CSNK1G1: variants seen among roughly 807,000 people sequenced by gnomAD.
The protein encoded by CSNK1G1 is casein kinase I isoform gamma-1.
A neutral mutation model predicts 59.6 loss-of-function variants in CSNK1G1; 22 were observed. The ratio of observed to expected loss-of-function variants is 0.37; its 90% confidence interval spans 0.26 to 0.53. CSNK1G1 has a LOEUF of 0.53. Among genes scored for constraint, CSNK1G1 ranks in the 20% least tolerant of loss-of-function variants. The pLI, the probability that CSNK1G1 is intolerant of heterozygous loss-of-function variation, is 0.89. For missense variants in CSNK1G1, 384 were observed against 519.5 expected (o/e 0.74, Z 2.54); for synonymous variants, 179 against 177.1 (o/e 1.01, Z -0.08).
chr15:64,261,420 G>T (rs1892682156), intron 2 of CSNK1G1, among the ~76,000 whole-genome samples: 1 of 152,124 alleles, frequency 6.6e-6, no homozygotes, highest in Non-Finnish European at 1.5e-5. Context: ...GGCCAACATG[G>T]TGAAACTCTG....
Position 64,207,642 on chromosome 15 carries a change from GAA to G in CSNK1G1, c.680-50_680-49del, listed in dbSNP as rs1318755690. On this transcript the variant is annotated intron_variant, in intron 6 of 11. Coordinates refer to ENST00000303052, the MANE Select transcript of CSNK1G1 (RefSeq NM_022048.5). Reference sequence around the variant, plus strand: ...CATTATGTTTGCAGTTATTAAAGCAGAAAGAGGTTCAAAACCAAGTAATCCCT... The same window carrying G: ...CATTATGTTTGCAGTTATTAAAGCAGAGAGGTTCAAAACCAAGTAATCCCT... The G allele has an allele frequency of 2.7e-6, 4 of 1,472,914 alleles. No homozygotes were observed. The Admixed American group carries it at 6.7e-5, about 25-fold the overall frequency. 91.2% of individuals were successfully genotyped at this position (1,472,914 alleles called of 1,614,324 possible).
At chr15:64,191,582 T>C (rs902716053) in intron 10 of CSNK1G1, among the ~76,000 whole-genome samples, 2 of 152,222 alleles carry the variant, frequency 1.3e-5, no homozygotes, top group Non-Finnish European at 2.9e-5. Context: ...TGTTGAAAGA[T>C]TTAAGATTTT....
At chr15:64,277,829 A>AT (rs1258142807) in intron 2 of CSNK1G1, among the ~76,000 whole-genome samples, 4,671 of 134,666 alleles carry the variant, frequency 0.035, 172 homozygotes, top group South Asian at 0.062. Context: ...TATATTTAAT[A>AT]ATAATATTGA....
intron 4 of CSNK1G1, among the ~76,000 whole-genome samples, chr15:64,234,914 C>G (rs2140296697): frequency 6.6e-6 from 1 of 152,250 alleles, no homozygotes; most frequent in Middle Eastern, 3.4e-3. Flanking sequence ...GGGCTCTACT[C>G]AATCTCTGCT....
At chr15:64,264,736 G>A (rs1892890387) in intron 2 of CSNK1G1, among the ~76,000 whole-genome samples, 2 of 152,138 alleles carry the variant, frequency 1.3e-5, no homozygotes, top group Non-Finnish European at 1.5e-5. Flanking sequence ...ATCAATACAC[G>A]TGACACGTCA....
chr15:64,320,758 T>C (rs1896521519), intron 1 of CSNK1G1, among the ~76,000 whole-genome samples: 2 of 151,650 alleles, frequency 1.3e-5, no homozygotes, highest in African/African-American at 4.8e-5. Flanking sequence ...TTTTCAGAAG[T>C]TGCTTAACAC....
intron 1 of CSNK1G1, among the ~76,000 whole-genome samples, chr15:64,352,464 T>TTTTTTTTTTTTTTTTTTTTTTTTTTTA: frequency 7.0e-6 from 1 of 143,038 alleles, no homozygotes; most frequent in Non-Finnish European, 1.5e-5. Flanking sequence ...TTTTTTTTTT[T>TTTTTTTTTTTTTTTTTTTTTTTTTTTA]TTGAGATGGA....
intron 1 of CSNK1G1, among the ~76,000 whole-genome samples, chr15:64,312,803 T>C (rs1296519808): frequency 6.6e-6 from 1 of 152,136 alleles, no homozygotes; most frequent in East Asian, 1.9e-4. Context: ...GAAACTATCA[T>C]CAGAGTGAAC....
At chr15:64,208,278 G>A (rs768649617) in intron 6 of CSNK1G1, among the ~76,000 whole-genome samples, 8 of 152,132 alleles carry the variant, frequency 5.3e-5, no homozygotes, top group Non-Finnish European at 1.0e-4. Context: ...TGAGAGGATC[G>A]CTTCGGCCCA....
chr15:64,302,904 ACT>A (rs1212503544), intron 1 of CSNK1G1, among the ~76,000 whole-genome samples: 4 of 152,158 alleles, frequency 2.6e-5, no homozygotes, highest in Non-Finnish European at 4.4e-5. Flanking sequence ...ATTTTTGCTC[ACT>A]GTTTTTTCCA....
intron 4 of CSNK1G1, among the ~76,000 whole-genome samples, chr15:64,236,763 T>C (rs928526735): frequency 1.3e-5 from 2 of 152,208 alleles, no homozygotes; most frequent in African/African-American, 4.8e-5. Context: ...AGAACTACTA[T>C]TGGATCTAGC....
chr15:64,246,639 A>AAG (rs1566917962), intron 4 of CSNK1G1, among the ~76,000 whole-genome samples: 2 of 88,952 alleles, frequency 2.2e-5, no homozygotes, highest in Non-Finnish European at 4.4e-5. Context: ...AAAAAAAAAA[A>AAG]GGGGGGGGGG....
intron 7 of CSNK1G1, among the ~76,000 whole-genome samples, chr15:64,207,183 A>G (rs2082193581): frequency 6.6e-6 from 1 of 152,232 alleles, no homozygotes; most frequent in South Asian, 2.1e-4. Context: ...AGCCCAGGAG[A>G]GCATTTATAA....
At chr15:64,225,232 C>T (rs2082443436) in intron 4 of CSNK1G1, among the ~76,000 whole-genome samples, 3 of 152,034 alleles carry the variant, frequency 2.0e-5, no homozygotes, top group African/African-American at 7.2e-5. Flanking sequence ...TGGTCTCAAA[C>T]TCCTGGCCTC....
intron 4 of CSNK1G1, among the ~76,000 whole-genome samples, chr15:64,231,103 G>T (rs927336741): frequency 6.6e-6 from 1 of 151,696 alleles, no homozygotes. Flanking sequence ...GAGGCAGGAG[G>T]ATTGCTTGAG....
At chr15:64,351,603 G>A (rs1434125574) in intron 1 of CSNK1G1, among the ~76,000 whole-genome samples, 1 of 152,210 alleles carries the variant, frequency 6.6e-6, no homozygotes, top group Admixed American at 6.5e-5. Flanking sequence ...ATCGGGCCAG[G>A]CACGGTGGCT....
In CSNK1G1 at chr15:64,279,757, A is replaced by C. The variant is rs1008794182; in HGVS notation, c.182-20516T>G. Among the ~76,000 whole-genome samples, 5 of 152,086 alleles carry C rather than the reference A, an allele frequency of 3.3e-5. No individual in the cohort carries two copies. In the East Asian group the frequency reaches 7.7e-4, roughly 23 times the overall value. ...GGGAGGCCGAGGTGGGCGGATCACAAGGTCAGGAGTTCAAGACAAGCCTGG... is the reference window on the plus strand; with the variant it reads ...GGGAGGCCGAGGTGGGCGGATCACACGGTCAGGAGTTCAAGACAAGCCTGG... On this transcript the variant is annotated intron_variant, in intron 2 of 11. Transcript: ENST00000303052.
At chr15:64,309,227 T>C (rs1895855171) in intron 1 of CSNK1G1, among the ~76,000 whole-genome samples, 1 of 152,120 alleles carries the variant, frequency 6.6e-6, no homozygotes, top group South Asian at 2.1e-4. Flanking sequence ...GTATTAGCTC[T>C]GTGAAGGTAA....
chr15:64,261,139 G>C (rs934952362), intron 2 of CSNK1G1, among the ~76,000 whole-genome samples: 6 of 152,130 alleles, frequency 3.9e-5, no homozygotes, highest in African/African-American at 1.4e-4. Flanking sequence ...AAAAAGGATA[G>C]TAATAAGTAA....
Sources: allele counts gnomAD v4.1 joint callset (sites outside exome capture counted in the v4.1 genomes callset), GRCh38; gene constraint gnomAD v4.1.1; transcripts MANE v1.5; gene names NCBI Gene and HGNC (gene_info 2026-07-23, HGNC 2026-07-21).